Variants in AFF3 observed in about 807,000 individuals in gnomAD.
The protein encoded by AFF3 is ALF transcription elongation factor 3, also known as AF4/FMR2 family member 3.
Under a neutral mutation model 129.7 loss-of-function variants are expected in AFF3, and 32 were observed. The observed-to-expected ratio is 0.25, with a 90% CI of 0.19 to 0.33. The LOEUF (loss-of-function observed/expected upper bound fraction) is 0.33. AFF3 is among the 10% of genes least tolerant of loss of function. The pLI is 1.00. For synonymous variants in AFF3, 644 were observed against 635.4 expected (o/e 1.01, Z -0.20); for missense variants, 1,373 against 1,592.0 (o/e 0.86, Z 2.34).
At chr2:100,041,882 T>G (rs1159064246) in intron 4 of AFF3, among the ~76,000 whole-genome samples, 1 of 152,200 alleles carries the variant, frequency 6.6e-6, no homozygotes, top group Non-Finnish European at 1.5e-5. Context: ...ATGCAGACTT[T>G]CAATACTACT....
chr2:99,575,312 T>G (rs1008026773), intron 18 of AFF3, among the ~76,000 whole-genome samples: 1 of 151,996 alleles, frequency 6.6e-6, no homozygotes, highest in Non-Finnish European at 1.5e-5. Flanking sequence ...CAGATTGGAG[T>G]GCAATGGCAT....
intron 11 of AFF3, among the ~76,000 whole-genome samples, chr2:99,689,671 A>G (rs1481169695): frequency 6.6e-6 from 1 of 151,242 alleles, no homozygotes; most frequent in East Asian, 1.9e-4. Context: ...AAAAAAAAAA[A>G]AAAAAAAAAA....
intron 13 of AFF3, among the ~76,000 whole-genome samples, chr2:99,628,410 T>C (rs888063053): frequency 6.6e-6 from 1 of 152,214 alleles, no homozygotes; most frequent in Non-Finnish European, 1.5e-5. Context: ...GTTGATTTTA[T>C]ATCCTGAGAC....
chr2:99,689,229 T>G (rs974428749), intron 11 of AFF3, among the ~76,000 whole-genome samples: 7 of 152,074 alleles, frequency 4.6e-5, no homozygotes, highest in Admixed American at 6.5e-5. Flanking sequence ...TGATTTAAAT[T>G]CCTAACACTG....
intron 7 of AFF3, among the ~76,000 whole-genome samples, chr2:99,869,944 C>T (rs1691743952): frequency 6.6e-6 from 1 of 152,206 alleles, no homozygotes; most frequent in African/African-American, 2.4e-5. Flanking sequence ...CTGCACTGAA[C>T]CAGACACAAA....
intron 7 of AFF3, among the ~76,000 whole-genome samples, chr2:99,856,888 A>C (rs1690571305): frequency 6.6e-6 from 1 of 152,078 alleles, no homozygotes; most frequent in Non-Finnish European, 1.5e-5. Flanking sequence ...AAACTCTCTA[A>C]AATGATGACT....
intron 8 of AFF3, among the ~76,000 whole-genome samples, chr2:99,755,427 C>A (rs754750932): frequency 4.6e-5 from 7 of 152,134 alleles, no homozygotes; most frequent in East Asian, 1.9e-4. Flanking sequence ...GTCACCACAC[C>A]TGGCTAATTC....
In AFF3 at chr2:99,631,071, G is replaced by A. The variant is rs886263448; in HGVS notation, c.1184+18555C>T. On this transcript the variant is annotated intron_variant, in intron 13 of 24. Transcript: ENST00000672756. The stretch of plus-strand genomic sequence containing the variant: ...CAGGGAGGCAGGCAGAGCAGAACAC[G>A]GAGTGGGGCTCAGGCAGGGCCTGGC... The A allele has an allele frequency of 3.7e-5, 15 of 406,330 alleles. No individual in the cohort carries two copies. In the East Asian group the frequency reaches 5.3e-4, roughly 14 times the overall value. 25.2% of individuals were successfully genotyped at this position (406,330 alleles called of 1,614,324 possible).
chr2:99,785,884 A>G (rs1684752288), intron 8 of AFF3, among the ~76,000 whole-genome samples: 1 of 152,110 alleles, frequency 6.6e-6, no homozygotes, highest in Non-Finnish European at 1.5e-5. Context: ...GGTAGCTGGG[A>G]TTACAGGCAC....
chr2:99,923,983 G>A lies in AFF3; in HGVS notation c.873+82649C>T, dbSNP rs191553857. Among the ~76,000 whole-genome samples, 517 of 152,264 alleles carry A rather than the reference G, an allele frequency of 3.4e-3. 5 individuals carry two copies. Among genetic ancestry groups the A allele is most frequent in the African/African-American group, 0.012 (496 of 41,536 alleles). On this transcript the variant is annotated intron_variant, in intron 7 of 24. Coordinates refer to ENST00000672756, the MANE Select transcript of AFF3 (RefSeq NM_001386135.1). ...TGCTTTCTGAGTATAGAATGGACAA[G>A]AGAGAATCTGAGCAGATGACTTAAT...
At chr2:99,971,016 G>T (rs1678315439) in intron 7 of AFF3, among the ~76,000 whole-genome samples, 1 of 152,168 alleles carries the variant, frequency 6.6e-6, no homozygotes, top group Admixed American at 6.5e-5. Flanking sequence ...ATAATGGAAT[G>T]GTTTTTAAAT....
At chr2:99,611,593 T>G (rs1443947217) in intron 13 of AFF3, among the ~76,000 whole-genome samples, 1 of 151,982 alleles carries the variant, frequency 6.6e-6, no homozygotes, top group African/African-American at 2.4e-5. Flanking sequence ...ATAGGGTGGT[T>G]ATTGTCTACA....
chr2:99,878,112 A>G (rs559863048), intron 7 of AFF3, among the ~76,000 whole-genome samples: 5 of 152,332 alleles, frequency 3.3e-5, no homozygotes, highest in Admixed American at 3.3e-4. Context: ...GACATCCAAT[A>G]AAATGCAAAT....
Position 99,974,876 on chromosome 2 carries a change from C to T in AFF3, c.873+31756G>A, listed in dbSNP as rs534314884. 2.8e-3 allele frequency among the ~76,000 whole-genome samples: 423 copies of T among 152,246 alleles called. 1 individual carries two copies. Among genetic ancestry groups the T allele is most frequent in the Middle Eastern group, 6.8e-3 (2 of 294 alleles). On this transcript the variant is annotated intron_variant, in intron 7 of 24. Coordinates refer to ENST00000672756, the MANE Select transcript of AFF3 (RefSeq NM_001386135.1). ...ATTGTGACACGTGTGACAAACTCTA[C>T]CAGAGTGAATGATGGTCTGGGAAAG...
At chr2:100,079,136 C>T (rs1273705140) in intron 4 of AFF3, among the ~76,000 whole-genome samples, 3 of 151,854 alleles carry the variant, frequency 2.0e-5, no homozygotes, top group African/African-American at 4.8e-5. Flanking sequence ...TTAGTAGAGA[C>T]GGAGTTTCAC....
chr2:100,132,936 T>G (rs953713350), intron 1 of AFF3, among the ~76,000 whole-genome samples: 1 of 148,870 alleles, frequency 6.7e-6, no homozygotes, highest in Admixed American at 6.7e-5. Flanking sequence ...CTGTTTTTGT[T>G]TTTTTTTTTT....
At chr2:99,876,108 A>G (rs923902353) in intron 7 of AFF3, among the ~76,000 whole-genome samples, 1 of 152,068 alleles carries the variant, frequency 6.6e-6, no homozygotes, top group Non-Finnish European at 1.5e-5. Flanking sequence ...GGTTACAAAG[A>G]ACCCAGTCCT....
intron 12 of AFF3, among the ~76,000 whole-genome samples, chr2:99,654,459 G>A (rs776935869): frequency 4.6e-5 from 7 of 151,936 alleles, no homozygotes; most frequent in East Asian, 1.9e-4. Flanking sequence ...ATAATGAAAC[G>A]AATAAATATT....
intron 2 of AFF3, among the ~76,000 whole-genome samples, chr2:100,127,244 T>C (rs572093295): frequency 4.1e-4 from 62 of 152,348 alleles, no homozygotes; most frequent in African/African-American, 1.5e-3. Flanking sequence ...ATTTGTCTCA[T>C]TTTAATCTGG....
Sources: allele counts gnomAD v4.1 joint callset (sites outside exome capture counted in the v4.1 genomes callset), GRCh38; gene constraint gnomAD v4.1.1; transcripts MANE v1.5; gene names NCBI Gene and HGNC (gene_info 2026-07-23, HGNC 2026-07-21).